The following WWP1 variants were observed in gnomAD, a reference collection of about 807,000 sequenced individuals.
WWP1 encodes WW domain containing E3 ubiquitin protein ligase 1.
Under a neutral mutation model 130.6 loss-of-function variants are expected in WWP1, and 49 were observed. The ratio of observed to expected loss-of-function variants is 0.38; its 90% confidence interval spans 0.30 to 0.48. WWP1 has a LOEUF of 0.48. Ranked by LOEUF, WWP1 falls within the 20% of genes least tolerant of loss-of-function variation. The pLI, the probability that WWP1 is intolerant of heterozygous loss-of-function variation, is 0.99. For missense variants in WWP1, 809 were observed against 1,100.6 expected (o/e 0.74, Z 3.75); for synonymous variants, 332 against 367.8 (o/e 0.90, Z 1.11).
intron 17 of WWP1, chr8:86,440,578 C>T (rs1390186414): frequency 2.4e-6 from 1 of 408,538 alleles, no homozygotes; most frequent in Non-Finnish European, 4.8e-6. Context: ...AGTCCTTTTT[C>T]CTGAAGTTCA....
At chr8:86,354,750 C>T (rs1823158660) in intron 1 of WWP1, among the ~76,000 whole-genome samples, 1 of 152,054 alleles carries the variant, frequency 6.6e-6, no homozygotes. Flanking sequence ...TCTTTACCTA[C>T]TTTTCTCTAT....
rs1288493485 is a variant in WWP1 at position 86,452,469 on chromosome 8, AAG to A, written c.2274-86_2274-85del. 17 of 1,148,306 alleles carry A rather than the reference AAG, an allele frequency of 1.5e-5. No homozygotes were observed. In the African/African-American group the frequency reaches 1.9e-4, roughly 13 times the overall value. The allele number at this position is 1,148,306 out of a possible 1,614,324, so 71.1% of individuals were successfully genotyped here. A position where few individuals can be genotyped will look rare whatever the true frequency, so the allele number is the denominator to read the frequency against. ...TTTATATATATGGCATATTTAGAAA[AAG>A]AGAAAGAACTATAGAAGTTCTTGGT... On this transcript the variant is annotated intron_variant, in intron 20 of 24. Coordinates refer to ENST00000517970, the MANE Select transcript of WWP1 (RefSeq NM_007013.4).
intron 20 of WWP1, among the ~76,000 whole-genome samples, chr8:86,450,992 A>T (rs1230808324): frequency 6.6e-6 from 1 of 151,850 alleles, no homozygotes; most frequent in Non-Finnish European, 1.5e-5. Context: ...TGGGTGGATC[A>T]CTTGAGCCCA....
intron 1 of WWP1, among the ~76,000 whole-genome samples, chr8:86,351,829 G>A (rs924993730): frequency 1.3e-5 from 2 of 152,130 alleles, no homozygotes; most frequent in Admixed American, 6.5e-5. Flanking sequence ...CGTCTGGGAT[G>A]CTTATTAAAC....
At chr8:86,460,154 G>C (rs898701273) in intron 22 of WWP1, among the ~76,000 whole-genome samples, 2 of 152,204 alleles carry the variant, frequency 1.3e-5, no homozygotes, top group African/African-American at 4.8e-5. Context: ...CAATGAAATA[G>C]ATAATTTTAG....
chr8:86,454,699 G>A (rs995208029), intron 21 of WWP1, among the ~76,000 whole-genome samples: 1 of 152,032 alleles, frequency 6.6e-6, no homozygotes, highest in Non-Finnish European at 1.5e-5. Flanking sequence ...TATTGAAGTG[G>A]AGATGAAACT....
intron 9 of WWP1, among the ~76,000 whole-genome samples, chr8:86,413,298 T>C (rs1347931594): frequency 8.5e-5 from 13 of 152,180 alleles, no homozygotes. Context: ...GGTAAATTAG[T>C]CAATTATCCT....
At chr8:86,348,136 G>C (rs1822696303) in intron 1 of WWP1, among the ~76,000 whole-genome samples, 1 of 152,060 alleles carries the variant, frequency 6.6e-6, no homozygotes, top group African/African-American at 2.4e-5. Flanking sequence ...TACGTCAGAT[G>C]GTTTTTAAGT....
In WWP1 at chr8:86,466,693, T is replaced by C. The variant is rs73688854; in HGVS notation, c.2670-101T>C. The C allele has an allele frequency of 4.0e-4, 287 of 720,264 alleles. 1 individual carries two copies. In the African/African-American group the frequency reaches 4.7e-3, roughly 12 times the overall value. 44.6% of individuals were successfully genotyped at this position (720,264 alleles called of 1,614,324 possible). ...TGGCAAAATTTTAACATATATAGTATACATATATCCATTCAGCATTTCTAT... is the reference window on the plus strand; with the variant it reads ...TGGCAAAATTTTAACATATATAGTACACATATATCCATTCAGCATTTCTAT... On this transcript the variant is annotated intron_variant, in intron 24 of 24. Coordinates refer to ENST00000517970, the MANE Select transcript of WWP1 (RefSeq NM_007013.4).
Position 86,385,745 on chromosome 8 carries a change from A to G in WWP1, c.334+4116A>G, listed in dbSNP as rs1341366586. ...CCAACTTGAAAGTAGACACTGTCTT[A>G]TTCACTTGTGTTTTTTTCAGTGCTT... On this transcript the variant is annotated intron_variant, in intron 5 of 24. Coordinates refer to ENST00000517970, the MANE Select transcript of WWP1 (RefSeq NM_007013.4). 2.0e-5 allele frequency among the ~76,000 whole-genome samples: 3 copies of G among 152,328 alleles called. No homozygotes were observed. The East Asian group carries it at 5.8e-4, about 29-fold the overall frequency.
At chr8:86,356,538 G>T (rs1823270187) in intron 1 of WWP1, among the ~76,000 whole-genome samples, 1 of 151,422 alleles carries the variant, frequency 6.6e-6, no homozygotes, top group African/African-American at 2.4e-5. Flanking sequence ...CAAATTAAAA[G>T]AAAAAAACTA....
At chr8:86,445,971 CT>C (rs1410886372) in intron 18 of WWP1, among the ~76,000 whole-genome samples, 6 of 110,320 alleles carry the variant, frequency 5.4e-5, no homozygotes, top group East Asian at 2.4e-4. Flanking sequence ...CTTTTCTTTT[CT>C]TTTCTTTTTT....
chr8:86,458,229 A>T lies in WWP1; in HGVS notation c.2499+204A>T, dbSNP rs528643592. Among the ~76,000 whole-genome samples the T allele has an allele frequency of 1.1e-4, 16 of 152,294 alleles. No homozygotes were observed. The South Asian group carries it at 2.9e-3, about 28-fold the overall frequency. ...TTTGACTGTCTTGCTGAAATGAAGG[A>T]GTTGAGTGACAGAATCTTATTTAAG... On this transcript the variant is annotated intron_variant, in intron 22 of 24. Coordinates refer to ENST00000517970, the MANE Select transcript of WWP1 (RefSeq NM_007013.4).
At chr8:86,348,715 G>A (rs556936786) in intron 1 of WWP1, among the ~76,000 whole-genome samples, 1 of 152,286 alleles carries the variant, frequency 6.6e-6, no homozygotes, top group Non-Finnish European at 1.5e-5. Context: ...TTGTAATTTT[G>A]CGGAGTGTAA....
At chr8:86,385,663 G>A (rs1825240205) in intron 5 of WWP1, among the ~76,000 whole-genome samples, 1 of 152,122 alleles carries the variant, frequency 6.6e-6, no homozygotes, top group Non-Finnish European at 1.5e-5. Context: ...AGTTATTGTA[G>A]GAATCTGAGG....
chr8:86,443,512 T>A (rs994238346), intron 18 of WWP1, among the ~76,000 whole-genome samples: 32 of 152,332 alleles, frequency 2.1e-4, no homozygotes, highest in African/African-American at 6.5e-4. Flanking sequence ...ACGTATTTAT[T>A]TACACTTTAT....
chr8:86,342,718 T>C lies in WWP1; in HGVS notation c.-327T>C, dbSNP rs993438578. 2 of 121,672 alleles carry C rather than the reference T, an allele frequency of 1.6e-5. No homozygotes were observed. The highest frequency in any genetic ancestry group is 1.4e-3 in the South Asian group (2 of 1,476). 7.5% of individuals were successfully genotyped at this position (121,672 alleles called of 1,614,324 possible). A position where few individuals can be genotyped will look rare whatever the true frequency, so the allele number is the denominator to read the frequency against. On this transcript the variant is annotated 5_prime_UTR_variant, in exon 1 of 25. Coordinates refer to ENST00000517970, the MANE Select transcript of WWP1 (RefSeq NM_007013.4). The stretch of plus-strand genomic sequence containing the variant: ...GGGTGGCGCGTGGACGGGGTGGGGG[T>C]GGGGGGAGGGTCGGGTGTCGGCGAG...
At chr8:86,405,086 A>G (rs539669096) in intron 8 of WWP1, 1 of 152,300 alleles carries the variant, frequency 6.6e-6, no homozygotes, top group South Asian at 2.1e-4. Flanking sequence ...GTCTTTTTGT[A>G]TGATTGTTCA....
chr8:86,456,674 A>G (rs1008003893), intron 21 of WWP1, among the ~76,000 whole-genome samples: 5 of 151,998 alleles, frequency 3.3e-5, no homozygotes, highest in African/African-American at 1.2e-4. Flanking sequence ...TTATTCATCA[A>G]TGCTAAAAAT....
Sources: gnomAD v4.1 joint callset for allele counts (sites outside exome capture counted in the v4.1 genomes callset) on GRCh38, gnomAD v4.1.1 for gene constraint, MANE v1.5 for transcripts, NCBI Gene and HGNC (gene_info 2026-07-23, HGNC 2026-07-21) for gene names.